The following FMN1 variants were observed in gnomAD, a reference collection of about 807,000 sequenced individuals.
FMN1 encodes the protein formin 1, also known as formin-1.
Under a neutral mutation model 132.4 loss-of-function variants are expected in FMN1, and 110 were observed. The observed-to-expected ratio is 0.83, with a 90% confidence interval of 0.71 to 0.97. The LOEUF (loss-of-function observed/expected upper bound fraction) is 0.97. Ranked by LOEUF, FMN1 falls within the 50% of genes least tolerant of loss-of-function variation. The pLI is 0.00. For missense variants in FMN1, 1,792 were observed against 1,705.3 expected (o/e 1.05, Z -0.90); for synonymous variants, 722 against 651.7 (o/e 1.11, Z -1.64).
At chr15:33,065,820 AAT>A (rs1337650219) in intron 5 of FMN1, among the ~76,000 whole-genome samples, 1 of 152,158 alleles carries the variant, frequency 6.6e-6, no homozygotes, top group East Asian at 1.9e-4. Flanking sequence ...CATCTTTATA[AAT>A]TACCTGAGTT....
chr15:33,104,794 T>A (rs1004700908), intron 4 of FMN1, among the ~76,000 whole-genome samples: 1 of 152,120 alleles, frequency 6.6e-6, no homozygotes, highest in African/African-American at 2.4e-5. Context: ...TGTAAAGGTA[T>A]TACTTTACTA....
intron 6 of FMN1, among the ~76,000 whole-genome samples, chr15:33,050,918 G>C (rs937384517): frequency 2.6e-5 from 4 of 152,212 alleles, no homozygotes; most frequent in Non-Finnish European, 4.4e-5. Context: ...CACTGACATA[G>C]AAAGGTTTCA....
intron 15 of FMN1, among the ~76,000 whole-genome samples, chr15:32,890,348 A>G (rs1468599210): frequency 6.6e-6 from 1 of 152,200 alleles, no homozygotes; most frequent in African/African-American, 2.4e-5. Context: ...GAGTCTCCAC[A>G]CTGTTTTCCA....
intron 18 of FMN1, among the ~76,000 whole-genome samples, chr15:32,803,872 CTGAGGAAAAAT>C (rs993348080): frequency 6.6e-5 from 10 of 152,168 alleles, no homozygotes; most frequent in African/African-American, 2.4e-4. Context: ...TCCTCACTTC[CTGAGGAAAAAT>C]ATTCCTAAGT....
At chr15:33,055,062 G>T (rs2037154909) in intron 6 of FMN1, among the ~76,000 whole-genome samples, 1 of 152,040 alleles carries the variant, frequency 6.6e-6, no homozygotes, top group Non-Finnish European at 1.5e-5. Context: ...ATGGGAAGTG[G>T]GGATTGGACA....
chr15:32,817,813 T>C (rs796131001), intron 17 of FMN1, among the ~76,000 whole-genome samples: 2 of 152,376 alleles, frequency 1.3e-5, no homozygotes, highest in African/African-American at 2.4e-5. Flanking sequence ...CAGAGTCACC[T>C]TTCAATCATA....
intron 17 of FMN1, among the ~76,000 whole-genome samples, chr15:32,818,563 G>GTT (rs1186204757): frequency 1.3e-5 from 2 of 152,134 alleles, no homozygotes; most frequent in Non-Finnish European, 2.9e-5. Context: ...TTAGAGAAAT[G>GTT]TTTTACATGG....
chr15:33,039,569 A>C (rs2036335273), intron 6 of FMN1, among the ~76,000 whole-genome samples: 1 of 152,220 alleles, frequency 6.6e-6, no homozygotes, highest in South Asian at 2.1e-4. Context: ...AAACTATAAA[A>C]ATAATAAAGA....
At chr15:33,070,887 T>C (rs554606228) in intron 5 of FMN1, among the ~76,000 whole-genome samples, 1 of 152,178 alleles carries the variant, frequency 6.6e-6, no homozygotes, top group Non-Finnish European at 1.5e-5. Context: ...TTTTTCCTGC[T>C]AGAGAACCGA....
intron 17 of FMN1, among the ~76,000 whole-genome samples, chr15:32,828,831 G>C (rs1164718987): frequency 6.6e-6 from 1 of 152,156 alleles, no homozygotes; most frequent in Non-Finnish European, 1.5e-5. Context: ...ATACAACAAA[G>C]GAACACGTTA....
intron 9 of FMN1, among the ~76,000 whole-genome samples, chr15:32,932,074 T>G (rs1057490130): frequency 6.6e-6 from 1 of 152,218 alleles, no homozygotes; most frequent in Non-Finnish European, 1.5e-5. Flanking sequence ...CACTTGGTGA[T>G]GGTATATGAT....
chr15:33,038,727 T>C (rs1226964024), intron 6 of FMN1, among the ~76,000 whole-genome samples: 1 of 152,214 alleles, frequency 6.6e-6, no homozygotes, highest in Non-Finnish European at 1.5e-5. Flanking sequence ...TGGGAGTCTT[T>C]ACACTTGAGC....
At chr15:32,806,774 G>T (rs1448620798) in intron 17 of FMN1, among the ~76,000 whole-genome samples, 1 of 152,164 alleles carries the variant, frequency 6.6e-6, no homozygotes, top group African/African-American at 2.4e-5. Flanking sequence ...CAGTCTGCAC[G>T]ATGGGCTCCC....
intron 7 of FMN1, among the ~76,000 whole-genome samples, chr15:32,980,046 G>A (rs1331089060): frequency 2.6e-5 from 4 of 151,430 alleles, no homozygotes; most frequent in Non-Finnish European, 5.9e-5. Flanking sequence ...TAGGCAAATC[G>A]ACAGGGCAAA....
chr15:33,055,163 T>C (rs1199000497), intron 6 of FMN1, among the ~76,000 whole-genome samples: 1 of 152,188 alleles, frequency 6.6e-6, no homozygotes, highest in African/African-American at 2.4e-5. Flanking sequence ...GCCTGCTATC[T>C]GGAGGCTTCA....
At chr15:32,802,072 T>C (rs1298115042) in intron 18 of FMN1, among the ~76,000 whole-genome samples, 1 of 152,252 alleles carries the variant, frequency 6.6e-6, no homozygotes, top group Non-Finnish European at 1.5e-5. Context: ...TCATGCGATT[T>C]GAAATTTCTA....
At chr15:32,795,558 A>G (rs1446179208) in intron 19 of FMN1, among the ~76,000 whole-genome samples, 1 of 149,078 alleles carries the variant, frequency 6.7e-6, no homozygotes, top group African/African-American at 2.5e-5. Flanking sequence ...TGAATAAGTG[A>G]CTGGCCCAAG....
intron 10 of FMN1, among the ~76,000 whole-genome samples, chr15:32,913,193 G>C (rs1019966510): frequency 1.3e-5 from 2 of 152,096 alleles, no homozygotes; most frequent in Non-Finnish European, 2.9e-5. Context: ...CTATGACACA[G>C]AACTCTAATT....
intron 15 of FMN1, among the ~76,000 whole-genome samples, chr15:32,893,043 G>A (rs1025358736): frequency 1.3e-5 from 2 of 152,160 alleles, no homozygotes; most frequent in Non-Finnish European, 2.9e-5. Flanking sequence ...ACCTTTAGCA[G>A]GAGACATCTA....
Sources: allele counts gnomAD v4.1 joint callset (sites outside exome capture counted in the v4.1 genomes callset), GRCh38; gene constraint gnomAD v4.1.1; transcripts MANE v1.5; gene names NCBI Gene and HGNC (gene_info 2026-07-23, HGNC 2026-07-21).